Variants in SPOPL observed in about 807,000 individuals in gnomAD.
SPOPL encodes speckle type BTB/POZ protein like, also known as speckle-type POZ protein-like.
A neutral mutation model predicts 53.8 loss-of-function variants in SPOPL; 23 were observed. The observed-to-expected ratio is 0.43, with a 90% CI of 0.31 to 0.61. The LOEUF is 0.61. Ranked by LOEUF, SPOPL falls within the 20% of genes least tolerant of loss-of-function variation. SPOPL has a pLI of 0.12. For missense variants in SPOPL, 442 were observed against 466.9 expected (o/e 0.95, Z 0.49); for synonymous variants, 164 against 149.7 (o/e 1.10, Z -0.70).
intron 5 of SPOPL, among the ~76,000 whole-genome samples, chr2:138,556,094 CATTA>C (rs1263303968): frequency 3.9e-5 from 6 of 152,080 alleles, no homozygotes; most frequent in African/African-American, 1.2e-4. Flanking sequence ...TTAATTAGAT[CATTA>C]ATTTATGTTC....
At chr2:138,553,564 TAAC>T (rs1685358840) in intron 5 of SPOPL, among the ~76,000 whole-genome samples, 1 of 152,142 alleles carries the variant, frequency 6.6e-6, no homozygotes, top group Non-Finnish European at 1.5e-5. Flanking sequence ...AGGAATATAA[TAAC>T]TTCTTAACTA....
intron 1 of SPOPL, among the ~76,000 whole-genome samples, chr2:138,540,619 T>A (rs1258361921): frequency 6.6e-6 from 1 of 152,132 alleles, no homozygotes; most frequent in African/African-American, 2.4e-5. Context: ...CTGAAGTTGC[T>A]TATCAGCTTA....
chr2:138,536,580 A>G (rs1458681781), intron 1 of SPOPL, among the ~76,000 whole-genome samples: 1 of 152,160 alleles, frequency 6.6e-6, no homozygotes, highest in Non-Finnish European at 1.5e-5. Flanking sequence ...CTTTGAAGAA[A>G]TAGTTCCCTA....
intron 7 of SPOPL, among the ~76,000 whole-genome samples, chr2:138,560,599 T>G (rs1166152044): frequency 6.6e-6 from 1 of 152,080 alleles, no homozygotes; most frequent in East Asian, 1.9e-4. Flanking sequence ...CTTGGACTTG[T>G]CCACTTCACT....
intron 1 of SPOPL, among the ~76,000 whole-genome samples, chr2:138,507,690 A>G (rs762940309): frequency 1.3e-5 from 2 of 152,256 alleles, no homozygotes; most frequent in Non-Finnish European, 2.9e-5. Context: ...GAGGTTGGCC[A>G]TGCCATTTAA....
chr2:138,528,791 G>A (rs1015114170), intron 1 of SPOPL, among the ~76,000 whole-genome samples: 2 of 152,134 alleles, frequency 1.3e-5, no homozygotes, highest in African/African-American at 4.8e-5. Context: ...TGTAAGCTTG[G>A]ACTCAAATCC....
rs1003867958 is a variant in SPOPL at position 138,566,886 on chromosome 2, A to G, written c.1034+1893A>G. ...CTTGACTAACCCTGGAAATTTAGAA[A>G]TGGCTTCCTGGATATAGCTGAGTCT... On this transcript the variant is annotated intron_variant, in intron 10 of 10. Coordinates refer to ENST00000280098, the MANE Select transcript of SPOPL (RefSeq NM_001001664.3). 5.3e-5 allele frequency among the ~76,000 whole-genome samples: 8 copies of G among 152,340 alleles called. No individual in the cohort carries two copies. In the South Asian group the frequency reaches 8.3e-4, roughly 16 times the overall value.
chr2:138,544,617 C>A (rs944336178), intron 1 of SPOPL, among the ~76,000 whole-genome samples: 16 of 152,184 alleles, frequency 1.1e-4, no homozygotes, highest in African/African-American at 3.4e-4. Context: ...ACCCGATTTT[C>A]CAGGTGCCCT....
intron 10 of SPOPL, among the ~76,000 whole-genome samples, chr2:138,567,642 T>C (rs1440720414): frequency 6.6e-6 from 1 of 152,116 alleles, no homozygotes; most frequent in Non-Finnish European, 1.5e-5. Context: ...GTGGGGAGGT[T>C]GCGGTGGCAA....
At chr2:138,529,852 G>A (rs1684768732) in intron 1 of SPOPL, among the ~76,000 whole-genome samples, 1 of 152,154 alleles carries the variant, frequency 6.6e-6, no homozygotes, top group South Asian at 2.1e-4. Flanking sequence ...GGGTACCTGT[G>A]CAGGTTTGTT....
At chr2:138,560,694 A>C in intron 7 of SPOPL, 111 bp from the exon 8 acceptor site, 1 of 1,184,064 alleles carries the variant, frequency 8.4e-7, no homozygotes, top group Non-Finnish European at 1.2e-6. Context: ...TGAGTTATAC[A>C]CTATTTTAGT....
chr2:138,519,792 AAAAAT>A (rs1473661410), intron 1 of SPOPL, among the ~76,000 whole-genome samples: 22 of 152,060 alleles, frequency 1.4e-4, no homozygotes, highest in Admixed American at 1.3e-3. Flanking sequence ...ACTCTATCAG[AAAAAT>A]AAAATAAAAA....
At chr2:138,522,366 A>G (rs899158275) in intron 1 of SPOPL, among the ~76,000 whole-genome samples, 4 of 152,206 alleles carry the variant, frequency 2.6e-5, no homozygotes, top group Non-Finnish European at 5.9e-5. Flanking sequence ...CAGAGAGCTC[A>G]CACTACAGAA....
intron 8 of SPOPL, chr2:138,564,461 T>G (rs1685616214): frequency 2.3e-6 from 1 of 427,148 alleles, no homozygotes; most frequent in Non-Finnish European, 4.1e-6. Context: ...AAGGTAGCTT[T>G]TTAGAATAAA....
chr2:138,509,396 A>G (rs1162256251), intron 1 of SPOPL, among the ~76,000 whole-genome samples: 1 of 152,188 alleles, frequency 6.6e-6, no homozygotes, highest in Non-Finnish European at 1.5e-5. Context: ...TGCTTTTGAA[A>G]TATTATTTTA....
intron 1 of SPOPL, among the ~76,000 whole-genome samples, chr2:138,539,249 C>T (rs1275440239): frequency 6.6e-6 from 1 of 152,186 alleles, no homozygotes; most frequent in East Asian, 1.9e-4. Context: ...ATTTATAATC[C>T]TTTGGGTATA....
chr2:138,530,432 A>T (rs1684782424), intron 1 of SPOPL, among the ~76,000 whole-genome samples: 1 of 152,212 alleles, frequency 6.6e-6, no homozygotes, highest in Admixed American at 6.5e-5. Flanking sequence ...GGTTGAAGTC[A>T]GTCTGCATAT....
chr2:138,521,551 T>C (rs1184458646), intron 1 of SPOPL, among the ~76,000 whole-genome samples: 1 of 152,162 alleles, frequency 6.6e-6, no homozygotes, highest in Admixed American at 6.5e-5. Context: ...GTTTAATTTT[T>C]AGTTGTTTTT....
intron 1 of SPOPL, among the ~76,000 whole-genome samples, chr2:138,532,149 G>A (rs570099063): frequency 6.6e-6 from 1 of 152,192 alleles, no homozygotes; most frequent in Non-Finnish European, 1.5e-5. Flanking sequence ...TGAAAACTTT[G>A]CCTCTTGGCT....
Sources: gnomAD v4.1 joint callset for allele counts (sites outside exome capture counted in the v4.1 genomes callset) on GRCh38, gnomAD v4.1.1 for gene constraint, MANE v1.5 for transcripts, NCBI Gene and HGNC (gene_info 2026-07-23, HGNC 2026-07-21) for gene names.